HMBOX1: variants seen among roughly 807,000 people sequenced by gnomAD.
HMBOX1 encodes homeobox-containing protein 1.
Under a neutral mutation model 54.5 loss-of-function variants are expected in HMBOX1, and 14 were observed. That is an observed-to-expected ratio of 0.26 (90% CI 0.17 to 0.40). HMBOX1 has a LOEUF of 0.40. HMBOX1 is among the 10% of genes least tolerant of loss of function. The pLI, the probability that HMBOX1 is intolerant of heterozygous loss-of-function variation, is 1.00. For missense variants in HMBOX1, 332 were observed against 514.4 expected (o/e 0.65, Z 3.43); for synonymous variants, 160 against 181.0 (o/e 0.88, Z 0.93).
rs147321262 is a variant in HMBOX1 at position 28,926,815 on chromosome 8, G to C, written c.-58+36137G>C. On this transcript the variant is annotated intron_variant, in intron 1 of 9. Transcript: ENST00000287701. ...CCACCTTGGCCTCTTAAAGTGCTGG[G>C]ATTACAGGTGTGAGCCACCACACTT... Among the ~76,000 whole-genome samples, 316 of 152,318 alleles carry C rather than the reference G, an allele frequency of 2.1e-3. 1 individual carries two copies. The highest frequency in any genetic ancestry group is 3.9e-3 in the Non-Finnish European group (264 of 68,024).
At chr8:28,945,059 T>A (rs1822175540) in intron 1 of HMBOX1, among the ~76,000 whole-genome samples, 1 of 152,208 alleles carries the variant, frequency 6.6e-6, no homozygotes, top group Non-Finnish European at 1.5e-5. Flanking sequence ...GCCATTCCAA[T>A]GTTGTTATTT....
At chr8:29,037,125 T>C (rs1325771294) in intron 6 of HMBOX1, among the ~76,000 whole-genome samples, 1 of 152,220 alleles carries the variant, frequency 6.6e-6, no homozygotes, top group African/African-American at 2.4e-5. Flanking sequence ...GAAACTCATG[T>C]ATATTTTAGC....
intron 6 of HMBOX1, among the ~76,000 whole-genome samples, chr8:29,035,278 C>T (rs1803672939): frequency 6.6e-6 from 1 of 152,060 alleles, no homozygotes; most frequent in Non-Finnish European, 1.5e-5. Context: ...CTTATCAATC[C>T]TGTTCTGTTG....
intron 1 of HMBOX1, among the ~76,000 whole-genome samples, chr8:28,900,271 A>AATATATATATATAT (rs1554519263): frequency 1.4e-3 from 98 of 70,294 alleles, no homozygotes; most frequent in Middle Eastern, 9.3e-3. Context: ...AAAAAAAAAA[A>AATATATATATATAT]ATATATATAT....
intron 4 of HMBOX1, among the ~76,000 whole-genome samples, chr8:28,992,729 G>A (rs1158794542): frequency 6.6e-6 from 1 of 151,822 alleles, no homozygotes; most frequent in East Asian, 1.9e-4. Context: ...AACTAGCCGG[G>A]TGTAGTGGTA....
chr8:28,930,092 C>G (rs1047569875), intron 1 of HMBOX1, among the ~76,000 whole-genome samples: 1 of 152,090 alleles, frequency 6.6e-6, no homozygotes, highest in Non-Finnish European at 1.5e-5. Flanking sequence ...AGAAGACTGT[C>G]TTTGGAATGA....
chr8:28,907,556 A>G (rs2131627802), intron 1 of HMBOX1, among the ~76,000 whole-genome samples: 1 of 152,322 alleles, frequency 6.6e-6, no homozygotes, highest in South Asian at 2.1e-4. Context: ...CAGGTAGTAT[A>G]AAAACAATTA....
chr8:28,911,537 G>A (rs1395449375), intron 1 of HMBOX1, among the ~76,000 whole-genome samples: 1 of 152,042 alleles, frequency 6.6e-6, no homozygotes, highest in Non-Finnish European at 1.5e-5. Context: ...TGTATTTTTA[G>A]TAGAGACAGG....
chr8:28,955,924 A>T (rs114147491), intron 1 of HMBOX1: 2 of 145,212 alleles, frequency 1.4e-5, no homozygotes, highest in Non-Finnish European at 3.0e-5. Context: ...CTGCAGTCCA[A>T]CTTGGGCGAC....
At chr8:29,010,181 T>G in intron 5 of HMBOX1, 1 of 960,956 alleles carries the variant, frequency 1.0e-6, no homozygotes, top group Non-Finnish European at 1.2e-6. Context: ...GACTCCCAGT[T>G]TTTATTTTGA....
chr8:28,985,072 A>G (rs1042961244), intron 4 of HMBOX1, among the ~76,000 whole-genome samples: 7 of 152,218 alleles, frequency 4.6e-5, no homozygotes, highest in Admixed American at 2.6e-4. Context: ...TTCCTTATGT[A>G]TAAGATAAAG....
chr8:28,932,788 G>A (rs1819681024), intron 1 of HMBOX1, among the ~76,000 whole-genome samples: 1 of 152,200 alleles, frequency 6.6e-6, no homozygotes, highest in Non-Finnish European at 1.5e-5. Flanking sequence ...TTTAGGCAGA[G>A]GTGTGGCTAG....
At position 28,970,076 on chromosome 8, in the gene HMBOX1, A is replaced by G. The variant is rs1827130338; in HGVS notation, c.57A>G (p.Glu19=). The part of the protein sequence containing the change: ...LLETMSHYTD[E]PRFTIEQIDL... ...AAACCATGTCTCATTATACAGATGA[A>G]CCCAGATTTACCATAGAGCAGATAG... Residue 19 remains glutamate, a synonymous_variant, in exon 3 of 10, where the codon GAA becomes GAG. Transcript: ENST00000287701. The surrounding 1 kb of genome is among the most constrained non-coding windows in gnomAD (Gnocchi z 4.3). 1 of 1,613,574 alleles carries G rather than the reference A, an allele frequency of 6.2e-7. No individual in the cohort carries two copies. Among genetic ancestry groups the G allele is most frequent in the East Asian group, 2.2e-5 (1 of 44,876 alleles).
At chr8:28,992,314 A>C (rs1270311684) in intron 4 of HMBOX1, among the ~76,000 whole-genome samples, 1 of 152,246 alleles carries the variant, frequency 6.6e-6, no homozygotes. Flanking sequence ...GTAAAGTTTC[A>C]AATGGCACAT....
At chr8:28,923,942 C>A (rs1261892384) in intron 1 of HMBOX1, among the ~76,000 whole-genome samples, 1 of 151,676 alleles carries the variant, frequency 6.6e-6, no homozygotes, top group Non-Finnish European at 1.5e-5. Context: ...AACCCTTTGC[C>A]CATTTTTTAA....
chr8:28,947,580 C>CT (rs1249571521), intron 1 of HMBOX1, among the ~76,000 whole-genome samples: 7 of 152,102 alleles, frequency 4.6e-5, no homozygotes, highest in African/African-American at 1.7e-4. Flanking sequence ...CTGGGACTGT[C>CT]TAAAAATAAT....
chr8:29,013,699 T>C (rs777164384), intron 5 of HMBOX1, among the ~76,000 whole-genome samples: 2 of 152,226 alleles, frequency 1.3e-5, no homozygotes, highest in South Asian at 4.1e-4. Context: ...TTGTTTCTTA[T>C]GAAAACACTT....
chr8:29,013,818 C>G (rs1834564432), intron 5 of HMBOX1, among the ~76,000 whole-genome samples: 2 of 152,218 alleles, frequency 1.3e-5, no homozygotes. Context: ...TTTCCCTTGT[C>G]TAATTTAAAC....
intron 1 of HMBOX1, among the ~76,000 whole-genome samples, chr8:28,900,271 A>AAAATATATAT (rs747317282): frequency 1.1e-4 from 8 of 70,344 alleles, no homozygotes; most frequent in Admixed American, 4.4e-4. Flanking sequence ...AAAAAAAAAA[A>AAAATATATAT]ATATATATAT....
Sources: allele counts gnomAD v4.1 joint callset (sites outside exome capture counted in the v4.1 genomes callset), GRCh38; gene constraint gnomAD v4.1.1; non-coding constraint Gnocchi (gnomAD v3.1); transcripts MANE v1.5; gene names NCBI Gene and HGNC (gene_info 2026-07-23, HGNC 2026-07-21).